Variants in HHAT observed in about 807,000 individuals in gnomAD.
The protein encoded by HHAT is protein-cysteine N-palmitoyltransferase HHAT.
A neutral mutation model predicts 70.8 loss-of-function variants in HHAT; 47 were observed. That is an observed-to-expected ratio of 0.66 (90% CI 0.53 to 0.85). HHAT has a LOEUF of 0.85. Ranked by LOEUF, HHAT falls within the 40% of genes least tolerant of loss-of-function variation. HHAT has a pLI of 0.00. For missense variants in HHAT, 609 were observed against 604.8 expected (o/e 1.01, Z -0.07); for synonymous variants, 228 against 247.6 (o/e 0.92, Z 0.74).
Position 210,418,295 on chromosome 1 carries a change from C to G in HHAT, c.826C>G (p.Leu276Val), listed in dbSNP as rs761293868. Residue 276 changes from leucine to valine, a missense_variant, in exon 7 of 12, where the codon CTC (leucine) becomes GTC (valine). By Grantham distance (32) the Leu-to-Val change is conservative (BLOSUM62 1). Coordinates refer to ENST00000261458, the MANE Select transcript of HHAT (RefSeq NM_018194.6). Reference protein sequence around the residue: ...YMHAIYSSIPLLETVSCWTLG... With the variant: ...YMHAIYSSIPVLETVSCWTLG... ...GCATGCCATCTACAGCAGCATCCCC[C>G]TCCTGGAGACTGTCTCTTGTTGGAC... 3 of 1,604,344 alleles carry G rather than the reference C, an allele frequency of 1.9e-6. No homozygotes were observed. The highest frequency in any genetic ancestry group is 3.4e-5 in the Admixed American group (2 of 58,736).
At chr1:210,650,979 A>G (rs144602177) in intron 11 of HHAT, among the ~76,000 whole-genome samples, 3 of 152,370 alleles carry the variant, frequency 2.0e-5, no homozygotes, top group African/African-American at 7.2e-5. Flanking sequence ...CTTTTTAAAT[A>G]TATTGGAAAG....
intron 8 of HHAT, among the ~76,000 whole-genome samples, chr1:210,489,183 G>A (rs1441917742): frequency 2.0e-5 from 3 of 152,172 alleles, no homozygotes; most frequent in Non-Finnish European, 4.4e-5. Flanking sequence ...TAAATGCAGT[G>A]CAAGTTATTT....
chr1:210,362,981 A>G (rs754181181), intron 3 of HHAT, 62 bp downstream of exon 3: 7 of 1,312,964 alleles, frequency 5.3e-6, no homozygotes, highest in Admixed American at 1.7e-5. Context: ...TTCACATCAC[A>G]TTTGTATTTG....
At chr1:210,610,946 G>T (rs969609947) in intron 10 of HHAT, among the ~76,000 whole-genome samples, 5 of 152,162 alleles carry the variant, frequency 3.3e-5, no homozygotes, top group African/African-American at 1.2e-4. Flanking sequence ...CAGGTAGCCT[G>T]ATGCCTCCAG....
At chr1:210,622,191 C>T (rs892123971) in intron 10 of HHAT, among the ~76,000 whole-genome samples, 13 of 152,104 alleles carry the variant, frequency 8.5e-5, no homozygotes, top group South Asian at 4.1e-4. Context: ...TGAGTCATTC[C>T]GAGTTCTGTT....
At chr1:210,505,483 G>A (rs917015874) in intron 8 of HHAT, among the ~76,000 whole-genome samples, 1 of 152,154 alleles carries the variant, frequency 6.6e-6, no homozygotes, top group Non-Finnish European at 1.5e-5. Context: ...CTCTGCTTCC[G>A]AATTAGTCAA....
At chr1:210,331,040 C>T (rs537983334) in intron 1 of HHAT, among the ~76,000 whole-genome samples, 270 of 152,178 alleles carry the variant, frequency 1.8e-3, no homozygotes, top group African/African-American at 6.0e-3. Context: ...TCTCAAATTC[C>T]TGAGCTCGAA....
At chr1:210,339,324 T>G (rs1401451126) in intron 1 of HHAT, among the ~76,000 whole-genome samples, 3 of 152,216 alleles carry the variant, frequency 2.0e-5, no homozygotes, top group East Asian at 3.8e-4. Flanking sequence ...TTTCCAGATT[T>G]TATTGATTAG....
At chr1:210,379,450 G>A (rs1208224600) in intron 3 of HHAT, among the ~76,000 whole-genome samples, 1 of 152,234 alleles carries the variant, frequency 6.6e-6, no homozygotes, top group Non-Finnish European at 1.5e-5. Context: ...AGTACCTGCT[G>A]TACAAGCAGA....
At chr1:210,633,455 G>A (rs1166653183) in intron 11 of HHAT, among the ~76,000 whole-genome samples, 1 of 152,210 alleles carries the variant, frequency 6.6e-6, no homozygotes, top group African/African-American at 2.4e-5. Context: ...CTGGTTCCTG[G>A]AGAGCCATTG....
intron 11 of HHAT, among the ~76,000 whole-genome samples, chr1:210,658,721 A>G (rs957418683): frequency 4.6e-5 from 7 of 152,222 alleles, no homozygotes; most frequent in African/African-American, 1.4e-4. Flanking sequence ...AAAGAAGAGA[A>G]ATCACAACGA....
At chr1:210,416,949 T>C (rs1319136213) in intron 6 of HHAT, among the ~76,000 whole-genome samples, 1 of 152,230 alleles carries the variant, frequency 6.6e-6, no homozygotes, top group African/African-American at 2.4e-5. Flanking sequence ...AGTAACTTGC[T>C]CAGGATCACA....
intron 7 of HHAT, among the ~76,000 whole-genome samples, chr1:210,461,480 T>G (rs2093978072): frequency 6.6e-6 from 1 of 152,092 alleles, no homozygotes; most frequent in Non-Finnish European, 1.5e-5. Context: ...TTGTGTTTAC[T>G]TAGTAGAGTT....
chr1:210,674,525 C>A lies in HHAT; in HGVS notation c.*146C>A, dbSNP rs1008735507. 2 of 602,104 alleles carry A rather than the reference C, an allele frequency of 3.3e-6. No individual in the cohort carries two copies. The highest frequency in any genetic ancestry group is 3.1e-5 in the Admixed American group (1 of 32,410). The allele number at this position is 602,104 out of a possible 1,614,324, so 37.3% of individuals were successfully genotyped here. On this transcript the variant is annotated 3_prime_UTR_variant, in exon 12 of 12. Coordinates refer to ENST00000261458, the MANE Select transcript of HHAT (RefSeq NM_018194.6). ...CTCACTCCAAGACTGGATGCTGGAT[C>A]TCATAGAAAATTCACAGCCAGACAA...
intron 10 of HHAT, among the ~76,000 whole-genome samples, 187 bp from the exon 11 acceptor site, chr1:210,623,339 G>A (rs1010617244): frequency 1.3e-5 from 2 of 152,176 alleles, no homozygotes; most frequent in African/African-American, 2.4e-5. Flanking sequence ...CTCCCAAAGT[G>A]TGAGATTATA....
intron 9 of HHAT, among the ~76,000 whole-genome samples, chr1:210,532,221 A>C (rs1315096754): frequency 6.6e-6 from 1 of 152,242 alleles, no homozygotes; most frequent in Non-Finnish European, 1.5e-5. Context: ...CATTTTAATC[A>C]ATTTTTAAGC....
At chr1:210,663,805 G>T (rs1678310473) in intron 11 of HHAT, among the ~76,000 whole-genome samples, 1 of 152,198 alleles carries the variant, frequency 6.6e-6, no homozygotes. Context: ...GTGGGGCCCT[G>T]CAGTCTGCGT....
intron 7 of HHAT, among the ~76,000 whole-genome samples, chr1:210,448,143 G>A (rs1367136953): frequency 6.7e-6 from 1 of 149,146 alleles, no homozygotes; most frequent in African/African-American, 2.5e-5. Context: ...GCGGTAGCTC[G>A]ATCTCAGTAC....
chr1:210,542,502 T>A (rs935307098), intron 9 of HHAT, among the ~76,000 whole-genome samples: 4 of 147,546 alleles, frequency 2.7e-5, no homozygotes, highest in Non-Finnish European at 6.1e-5. Context: ...AAAAAATATA[T>A]ATATATATAT....
Sources: allele counts gnomAD v4.1 joint callset (sites outside exome capture counted in the v4.1 genomes callset), GRCh38; gene constraint gnomAD v4.1.1; transcripts MANE v1.5; gene names NCBI Gene and HGNC (gene_info 2026-07-23, HGNC 2026-07-21).